SPEF2: variants seen among roughly 807,000 people sequenced by gnomAD.
SPEF2 encodes sperm flagella and cilia-associated protein 2.
A neutral mutation model predicts 224.6 loss-of-function variants in SPEF2; 187 were observed. That is an observed-to-expected ratio of 0.83 (90% CI 0.74 to 0.94). The LOEUF is 0.94. SPEF2 is among the 40% of genes least tolerant of loss of function. SPEF2 has a pLI of 0.00. For synonymous variants in SPEF2, 715 were observed against 707.3 expected (o/e 1.01, Z -0.17); for missense variants, 2,170 against 2,135.6 (o/e 1.02, Z -0.32).
intron 17 of SPEF2, among the ~76,000 whole-genome samples, chr5:35,704,901 A>C (rs539502593): frequency 1.3e-5 from 2 of 152,156 alleles, no homozygotes; most frequent in Non-Finnish European, 2.9e-5. Context: ...ACTTCCCTTT[A>C]CGGTTACATG....
rs777601260 is a variant in SPEF2 at position 35,659,049 on chromosome 5, C to T, written c.1009C>T (p.Arg337Trp). Reference protein sequence around the residue: ...EAYREEQLINRLMRQSQQERR... With the variant: ...EAYREEQLINWLMRQSQQERR... ...TTATCGGGAGGAACAGCTGATTAAC[C>T]GGCTGATGCGGCAGTCCCAGCAGGA... Residue 337 changes from arginine (R) to tryptophan (W), a missense_variant, in exon 8 of 37, where the codon CGG becomes TGG. Transcript: ENST00000356031. 157 of 1,580,878 alleles carry T rather than the reference C, an allele frequency of 9.9e-5. No individual in the cohort carries two copies. The highest frequency in any genetic ancestry group is 1.3e-4 in the Non-Finnish European group (147 of 1,160,072).
intron 24 of SPEF2, 139 bp downstream of exon 24, chr5:35,753,900 C>T: frequency 9.7e-7 from 1 of 1,025,744 alleles, no homozygotes; most frequent in East Asian, 2.5e-5. Flanking sequence ...GGTATGAGCT[C>T]CAACTCACCA....
chr5:35,648,167 C>A (rs1332073283), intron 5 of SPEF2, among the ~76,000 whole-genome samples: 1 of 152,152 alleles, frequency 6.6e-6, no homozygotes, highest in Admixed American at 6.5e-5. Context: ...ACATGTTTTA[C>A]CCAGTGGTAG....
At chr5:35,735,755 T>C (rs879291958) in intron 21 of SPEF2, among the ~76,000 whole-genome samples, 5 of 152,222 alleles carry the variant, frequency 3.3e-5, no homozygotes, top group Admixed American at 6.5e-5. Flanking sequence ...GTTTTGATTG[T>C]TTATTTGCAT....
intron 34 of SPEF2, among the ~76,000 whole-genome samples, chr5:35,803,169 G>T (rs773408292): frequency 6.6e-6 from 1 of 152,202 alleles, no homozygotes; most frequent in Non-Finnish European, 1.5e-5. Context: ...CCATGGTAGA[G>T]AGGAGGAAAG....
chr5:35,789,181 C>A, intron 30 of SPEF2: 1 of 702,928 alleles, frequency 1.4e-6, no homozygotes, highest in Non-Finnish European at 2.6e-6. Flanking sequence ...AAAGTGACAC[C>A]AGTCAAAAGA....
At position 35,774,916 on chromosome 5, in the gene SPEF2, C is replaced by T. The variant is rs576503108; in HGVS notation, c.4078+895C>T. On this transcript the variant is annotated intron_variant, in intron 28 of 36. Transcript: ENST00000356031. ...GCAAGTCCAGGACAGATGCATCTCC[C>T]ATATTGCCTGCCCTGCATCTGATTT... 3.1e-4 allele frequency among the ~76,000 whole-genome samples: 47 copies of T among 152,272 alleles called. No individual in the cohort carries two copies. The South Asian group carries it at 9.8e-3, about 32-fold the overall frequency.
Position 35,753,656 on chromosome 5 carries a change from T to C in SPEF2, c.3363T>C (p.Asp1121=). 6.2e-7 allele frequency: 1 copy of C among 1,614,194 alleles called. No individual in the cohort carries two copies. Among genetic ancestry groups the C allele is most frequent in the Non-Finnish European group, 8.5e-7 (1 of 1,180,022 alleles). ...DLRDRLWDIC[D]ARKEEAEQER... ...GAGACCGCCTGTGGGACATTTGTGA[T>C]GCCCGGAAGGAAGAGGCGGAGCAGG... Residue 1121 remains aspartate (D), a synonymous_variant, in exon 24 of 37, where the codon GAT becomes GAC. Coordinates refer to ENST00000356031, the MANE Select transcript of SPEF2 (RefSeq NM_024867.4).
At chr5:35,764,174 T>G (rs183992023) in intron 26 of SPEF2, among the ~76,000 whole-genome samples, 1 of 152,268 alleles carries the variant, frequency 6.6e-6, no homozygotes, top group East Asian at 1.9e-4. Flanking sequence ...AAATAAAAAT[T>G]TTTAAAAAAT....
intron 6 of SPEF2, 60 bp downstream of exon 6, chr5:35,649,485 G>T: frequency 1.6e-6 from 2 of 1,282,858 alleles, no homozygotes; most frequent in South Asian, 2.9e-5. Context: ...CATAGCTTTT[G>T]AATATTTAGA....
At chr5:35,771,898 T>C in intron 27 of SPEF2, 142 bp downstream of exon 27, 1 of 1,072,872 alleles carries the variant, frequency 9.3e-7, no homozygotes, top group Non-Finnish European at 1.3e-6. Flanking sequence ...CGGGCTTCTA[T>C]GATTTGTGGT....
At chr5:35,689,864 ATACT>A (rs1381177863) in intron 10 of SPEF2, among the ~76,000 whole-genome samples, 4 of 152,098 alleles carry the variant, frequency 2.6e-5, no homozygotes, top group Admixed American at 1.3e-4. Context: ...TACAACATTG[ATACT>A]TACTATTCTT....
intron 29 of SPEF2, among the ~76,000 whole-genome samples, chr5:35,778,197 CATTGTAATATATAAACA>C (rs1332315282): frequency 6.6e-6 from 1 of 152,112 alleles, no homozygotes; most frequent in Non-Finnish European, 1.5e-5. Flanking sequence ...TGCTCACTTT[CATTGTAATATATAAACA>C]AGATCCTTTC....
intron 7 of SPEF2, among the ~76,000 whole-genome samples, chr5:35,656,535 G>T (rs1748976551): frequency 6.6e-6 from 1 of 152,114 alleles, no homozygotes; most frequent in South Asian, 2.1e-4. Flanking sequence ...CCCATTTCAA[G>T]TTTCATTACC....
In SPEF2 at chr5:35,618,080, G is replaced by C. The variant is rs769796038; in HGVS notation, c.58+25G>C. Reference sequence around the variant, plus strand: ...AGTGAGTGACCACGGCCAGGGGCGAGCGTCTGAGGGGCTAGCGGGGCGCAG... The same window carrying C: ...AGTGAGTGACCACGGCCAGGGGCGACCGTCTGAGGGGCTAGCGGGGCGCAG... On this transcript the variant is annotated intron_variant, in intron 1 of 36. Coordinates refer to ENST00000356031, the MANE Select transcript of SPEF2 (RefSeq NM_024867.4). The C allele has an allele frequency of 1.2e-4, 194 of 1,571,136 alleles. 5 individuals are homozygous for C. The South Asian group carries it at 1.4e-3, about 12-fold the overall frequency.
intron 36 of SPEF2, among the ~76,000 whole-genome samples, chr5:35,808,881 C>CATATATATATATATATAT (rs34389759): frequency 9.6e-4 from 137 of 143,314 alleles, no homozygotes; most frequent in African/African-American, 3.0e-3. Flanking sequence ...TTGGGTTTTA[C>CATATATATATATATATAT]ATATATATAT....
At chr5:35,642,757 A>G (rs1467039445) in intron 3 of SPEF2, among the ~76,000 whole-genome samples, 1 of 152,164 alleles carries the variant, frequency 6.6e-6, no homozygotes, top group Non-Finnish European at 1.5e-5. Flanking sequence ...ATAGAATTAT[A>G]TTTTTAAATT....
At chr5:35,660,869 G>C (rs1749598456) in intron 8 of SPEF2, among the ~76,000 whole-genome samples, 1 of 152,114 alleles carries the variant, frequency 6.6e-6, no homozygotes. Flanking sequence ...CAGAGGACCG[G>C]AACAGTTGGG....
chr5:35,810,173 T>A (rs917877735), intron 36 of SPEF2, among the ~76,000 whole-genome samples: 21 of 152,104 alleles, frequency 1.4e-4, no homozygotes, highest in African/African-American at 5.1e-4. Flanking sequence ...TCCGAATAGG[T>A]GTTCTGACTT....
Sources: gnomAD v4.1 joint callset for allele counts (sites outside exome capture counted in the v4.1 genomes callset) on GRCh38, gnomAD v4.1.1 for gene constraint, MANE v1.5 for transcripts, NCBI Gene and HGNC (gene_info 2026-07-23, HGNC 2026-07-21) for gene names.